The following DIAPH3 variants were observed in gnomAD, a reference collection of about 807,000 sequenced individuals.
The protein encoded by DIAPH3 is protein diaphanous homolog 3.
In DIAPH3, 117 loss-of-function variants were observed where a neutral mutation model predicts 144.3. The ratio of observed to expected loss-of-function variants is 0.81; its 90% CI spans 0.70 to 0.95. The LOEUF (loss-of-function observed/expected upper bound fraction) is 0.95, where lower values mean the gene tolerates loss of function less well. Among genes scored for constraint, DIAPH3 ranks in the 40% least tolerant of loss-of-function variants. DIAPH3 has a pLI of 0.00. For synonymous variants in DIAPH3, 519 were observed against 488.9 expected (o/e 1.06, Z -0.81); for missense variants, 1,421 against 1,412.7 (o/e 1.01, Z -0.09).
chr13:60,064,776 T>C (rs930923433), intron 4 of DIAPH3, among the ~76,000 whole-genome samples: 3 of 152,208 alleles, frequency 2.0e-5, no homozygotes, highest in African/African-American at 7.2e-5. Flanking sequence ...CATAAGAGGC[T>C]TTTGGCCTAT....
At position 59,975,670 on chromosome 13, in the gene DIAPH3, C is replaced by A. The variant is rs192345757; in HGVS notation, c.1546-1214G>T. Among the ~76,000 whole-genome samples, 252 of 152,118 alleles carry A rather than the reference C, an allele frequency of 1.7e-3. 1 individual carries two copies. The highest frequency in any genetic ancestry group is 3.4e-3 in the Middle Eastern group (1 of 294). On this transcript the variant is annotated intron_variant, in intron 14 of 27. Transcript: ENST00000400324. The stretch of plus-strand genomic sequence containing the variant: ...CATAAAAAGAAGCATTCTTAAATTT[C>A]ATTACAAAAACTCTGTGAAATAAGA...
At chr13:60,071,080 T>C (rs1182273051) in intron 4 of DIAPH3, among the ~76,000 whole-genome samples, 1 of 152,226 alleles carries the variant, frequency 6.6e-6, no homozygotes, top group Non-Finnish European at 1.5e-5. Flanking sequence ...CCAAAAGTTA[T>C]GGATACAATG....
chr13:60,062,862 T>C (rs1358343537), intron 4 of DIAPH3, among the ~76,000 whole-genome samples: 1 of 152,208 alleles, frequency 6.6e-6, no homozygotes, highest in Non-Finnish European at 1.5e-5. Context: ...AACGATCATC[T>C]GAGCCTTCAG....
At chr13:59,778,427 T>A (rs2038542026) in intron 25 of DIAPH3, among the ~76,000 whole-genome samples, 1 of 152,250 alleles carries the variant, frequency 6.6e-6, no homozygotes, top group African/African-American at 2.4e-5. Flanking sequence ...AATAAATATA[T>A]GCTGGCTAAA....
At chr13:60,109,019 T>C (rs1169822175) in intron 3 of DIAPH3, among the ~76,000 whole-genome samples, 1 of 152,026 alleles carries the variant, frequency 6.6e-6, no homozygotes, top group Non-Finnish European at 1.5e-5. Context: ...TGTCACAATA[T>C]AAAAGATATT....
intron 27 of DIAPH3, among the ~76,000 whole-genome samples, chr13:59,712,439 T>G (rs1219074252): frequency 6.6e-6 from 1 of 152,234 alleles, no homozygotes; most frequent in Admixed American, 6.5e-5. Flanking sequence ...CCATGTTCTG[T>G]ATTTTCTCTC....
At chr13:60,158,487 C>T (rs1344404513) in intron 1 of DIAPH3, among the ~76,000 whole-genome samples, 1 of 152,140 alleles carries the variant, frequency 6.6e-6, no homozygotes, top group Non-Finnish European at 1.5e-5. Flanking sequence ...GTGTATCCAC[C>T]TCAGACATAG....
intron 17 of DIAPH3, among the ~76,000 whole-genome samples, chr13:59,941,495 CA>C (rs762087222): frequency 3.7e-4 from 57 of 152,262 alleles, no homozygotes; most frequent in Admixed American, 1.6e-3. Flanking sequence ...ACCCCCAGAG[CA>C]GAGGGTATTT....
intron 4 of DIAPH3, among the ~76,000 whole-genome samples, chr13:60,072,723 AT>A (rs1316126966): frequency 1.3e-5 from 2 of 152,222 alleles, no homozygotes; most frequent in African/African-American, 4.8e-5. Flanking sequence ...GAGAAATAAT[AT>A]CAGAAATAAG....
chr13:59,782,628 C>T (rs976873130), intron 25 of DIAPH3, among the ~76,000 whole-genome samples: 1 of 151,884 alleles, frequency 6.6e-6, no homozygotes, highest in Admixed American at 6.6e-5. Context: ...TGATTCTTGA[C>T]CTAAAGATGC....
intron 24 of DIAPH3, among the ~76,000 whole-genome samples, chr13:59,812,081 G>C (rs1396330553): frequency 6.6e-6 from 1 of 152,118 alleles, no homozygotes; most frequent in Non-Finnish European, 1.5e-5. Flanking sequence ...GGCTTATGTT[G>C]TTTCGGGAGA....
At chr13:59,698,622 T>C in intron 27 of DIAPH3, among the ~76,000 whole-genome samples, 1 of 152,206 alleles carries the variant, frequency 6.6e-6, no homozygotes, top group Non-Finnish European at 1.5e-5. Flanking sequence ...TGCAAAAAAG[T>C]TGCTAAATTA....
At chr13:59,785,488 A>G (rs1692891262) in intron 25 of DIAPH3, among the ~76,000 whole-genome samples, 1 of 152,172 alleles carries the variant, frequency 6.6e-6, no homozygotes, top group African/African-American at 2.4e-5. Flanking sequence ...CCTCATACCT[A>G]TAAGATGAGG....
At chr13:59,903,120 A>G (rs1321781294) in intron 20 of DIAPH3, among the ~76,000 whole-genome samples, 1 of 152,208 alleles carries the variant, frequency 6.6e-6, no homozygotes, top group Non-Finnish European at 1.5e-5. Flanking sequence ...GAATTATTAA[A>G]CAGAAAAGGA....
At chr13:59,981,093 C>T (rs2050977665) in intron 13 of DIAPH3, among the ~76,000 whole-genome samples, 1 of 151,114 alleles carries the variant, frequency 6.6e-6, no homozygotes, top group Admixed American at 6.6e-5. Context: ...AAACTTCTAG[C>T]AGGCAAAAGG....
chr13:59,720,969 A>G (rs2035314103), intron 27 of DIAPH3, among the ~76,000 whole-genome samples: 1 of 152,194 alleles, frequency 6.6e-6, no homozygotes, highest in African/African-American at 2.4e-5. Flanking sequence ...GTAGGAATTT[A>G]GCCTAATTTC....
At chr13:59,735,754 T>A (rs1358226779) in intron 27 of DIAPH3, among the ~76,000 whole-genome samples, 1 of 152,140 alleles carries the variant, frequency 6.6e-6, no homozygotes, top group Non-Finnish European at 1.5e-5. Context: ...TTCTGCCTAA[T>A]TTCTTTTTTT....
At chr13:59,863,739 T>C (rs2043742234) in intron 21 of DIAPH3, among the ~76,000 whole-genome samples, 1 of 152,156 alleles carries the variant, frequency 6.6e-6, no homozygotes, top group African/African-American at 2.4e-5. Flanking sequence ...GTCCATGATT[T>C]GGTACCTTGT....
intron 20 of DIAPH3, among the ~76,000 whole-genome samples, chr13:59,910,600 C>T (rs2046949103): frequency 6.6e-6 from 1 of 151,686 alleles, no homozygotes. Flanking sequence ...GTAGTGTTGG[C>T]CACCTATAAT....
Sources: allele counts gnomAD v4.1 joint callset (sites outside exome capture counted in the v4.1 genomes callset), GRCh38; gene constraint gnomAD v4.1.1; transcripts MANE v1.5; gene names NCBI Gene and HGNC (gene_info 2026-07-23, HGNC 2026-07-21).